The following MCM10 variants were observed in gnomAD, a reference collection of about 807,000 sequenced individuals.
MCM10 encodes the protein protein MCM10 homolog.
Under a neutral mutation model 109.9 loss-of-function variants are expected in MCM10, and 91 were observed. That is an observed-to-expected ratio of 0.83 (90% CI 0.70 to 0.99). The LOEUF (loss-of-function observed/expected upper bound fraction) is 0.99, where lower values mean the gene tolerates loss of function less well. Among genes scored for constraint, MCM10 ranks in the 50% least tolerant of loss-of-function variants. The probability of loss-of-function intolerance (pLI) is 0.00; values close to 1 mark genes in which losing one functional copy is unlikely to be tolerated. For synonymous variants in MCM10, 380 were observed against 387.2 expected, an observed-to-expected ratio of 0.98 and a Z score of 0.22; for missense variants, 1,077 against 1,061.2, an observed-to-expected ratio of 1.01 and a Z score of -0.21.
At chr10:13,199,041 G>A (rs1834461617) in intron 16 of MCM10, among the ~76,000 whole-genome samples, 1 of 152,110 alleles carries the variant, frequency 6.6e-6, no homozygotes, top group East Asian at 1.9e-4. Flanking sequence ...GATTACAGGT[G>A]CCTGCCACCA....
In MCM10 at chr10:13,183,050, G is replaced by T. The variant is rs199940802; in HGVS notation, c.1048G>T (p.Val350Leu). ...CTGGAAGACGGAGCAGGGGACTGTC[G>T]TAGGGATCCTCAATGCCAACCCCAT... is the stretch of plus-strand genomic sequence containing the variant. ...ALWKTEQGTV[V>L]GILNANPMKP... Residue 350 changes from valine (V) to leucine (L), a missense_variant, in exon 8 of 20, where the codon GTA becomes TTA. Val to Leu is a conservative substitution (Grantham distance 32). Transcript: ENST00000378714. The T allele has an allele frequency of 6.2e-6, 10 of 1,614,056 alleles. No individual in the cohort carries two copies. In the African/African-American group the frequency reaches 8.0e-5, roughly 13 times the overall value.
intron 8 of MCM10, among the ~76,000 whole-genome samples, chr10:13,184,314 A>G (rs1046711533): frequency 2.0e-5 from 3 of 152,102 alleles, no homozygotes; most frequent in Non-Finnish European, 2.9e-5. Flanking sequence ...ATAAATTTTT[A>G]TGGTGGCATC....
At chr10:13,162,261 G>A (rs973898916) in intron 1 of MCM10, among the ~76,000 whole-genome samples, 6 of 152,166 alleles carry the variant, frequency 3.9e-5, no homozygotes, top group African/African-American at 1.2e-4. Flanking sequence ...TGTGGAAAAT[G>A]TGAGGGAGTA....
At chr10:13,171,985 T>A (rs1371644988) in intron 3 of MCM10, among the ~76,000 whole-genome samples, 3 of 151,988 alleles carry the variant, frequency 2.0e-5, no homozygotes, top group African/African-American at 7.3e-5. Context: ...ATGTTGCCCA[T>A]GCTGGTCTCG....
chr10:13,171,588 C>T (rs1389090150), intron 3 of MCM10, among the ~76,000 whole-genome samples: 1 of 152,102 alleles, frequency 6.6e-6, no homozygotes, highest in Non-Finnish European at 1.5e-5. Flanking sequence ...GCAAAGCTGC[C>T]ACATATCTAT....
chr10:13,173,391 C>T (rs1189174260), intron 5 of MCM10, among the ~76,000 whole-genome samples: 2 of 152,014 alleles, frequency 1.3e-5, no homozygotes, highest in Admixed American at 6.6e-5. Flanking sequence ...GAAGCCAGGT[C>T]GTATCAAATC....
At chr10:13,198,623 T>C (rs879817897) in intron 15 of MCM10, 66 bp from the exon 16 acceptor site, 12 of 1,018,342 alleles carry the variant, frequency 1.2e-5, no homozygotes, top group South Asian at 2.6e-5. Flanking sequence ...GGGAGTAGAG[T>C]TGATGAGGCG....
intron 18 of MCM10, among the ~76,000 whole-genome samples, chr10:13,207,976 T>G (rs1390878152): frequency 7.1e-6 from 1 of 141,238 alleles, no homozygotes. Context: ...AGCTTTATTA[T>G]ATGTCTTCTC....
Position 13,191,778 on chromosome 10 carries a change from G to T in MCM10, c.1516+379G>T, listed in dbSNP as rs182821269. Among the ~76,000 whole-genome samples, 648 of 152,226 alleles carry T rather than the reference G, an allele frequency of 4.3e-3. 5 individuals carry two copies. Among genetic ancestry groups the T allele is most frequent in the African/African-American group, 0.015 (621 of 41,546 alleles). ...CTTAGTATGCTTTTTAAAATTTCTTGGTGTATCTGGGTCCAACTCTTTACA... is the reference window on the plus strand; with the variant it reads ...CTTAGTATGCTTTTTAAAATTTCTTTGTGTATCTGGGTCCAACTCTTTACA... On this transcript the variant is annotated intron_variant, in intron 11 of 19. Coordinates refer to ENST00000378714, the MANE Select transcript of MCM10 (RefSeq NM_018518.5).
rs1311978268 is a variant in MCM10 at position 13,197,704 on chromosome 10, G to T, written c.2056G>T (p.Asp686Tyr). Residue 686 changes from aspartate to tyrosine, a missense_variant, in exon 15 of 20, where the codon GAC (aspartate) becomes TAC (tyrosine). Physicochemically the swap from Asp to Tyr is radical, Grantham distance 160 (BLOSUM62 -3). Transcript: ENST00000378714. ...AAACAGCATTAAGAAGAAACAAAAG[G>T]ACCCTCAGGACATCCTGGAGGTGAA... ...NPNSIKKKQK[D>Y]PQDILEVKER... 6.2e-7 allele frequency: 1 copy of T among 1,613,776 alleles called. No homozygotes were observed. Among genetic ancestry groups the T allele is most frequent in the African/African-American group, 1.3e-5 (1 of 74,880 alleles).
intron 5 of MCM10, among the ~76,000 whole-genome samples, chr10:13,175,290 G>A (rs1050502744): frequency 6.6e-6 from 1 of 151,960 alleles, no homozygotes; most frequent in Non-Finnish European, 1.5e-5. Flanking sequence ...AAAATTAGCC[G>A]AGCATGGTGG....
intron 8 of MCM10, among the ~76,000 whole-genome samples, chr10:13,185,750 C>T (rs1834266669): frequency 6.6e-6 from 1 of 152,148 alleles, no homozygotes; most frequent in Admixed American, 6.6e-5. Context: ...GCTTCAAATT[C>T]CTTTAGACCA....
At chr10:13,177,946 T>G (rs1201563898) in intron 6 of MCM10, among the ~76,000 whole-genome samples, 1 of 152,124 alleles carries the variant, frequency 6.6e-6, no homozygotes, top group Non-Finnish European at 1.5e-5. Flanking sequence ...GCAGCAAGAT[T>G]GTTTGGGAGA....
At position 13,171,044 on chromosome 10, in the gene MCM10, G is replaced by T. The variant is rs1364975184; in HGVS notation, c.130G>T (p.Glu44Ter). ...AAATGGCGAGCCCGACGCATTTGAT[G>T]AGCTCTTTGATGCCGACGGCGACGG... ...RENGEPDAFDELFDADGDGES... is the reference protein window; with the variant it reads ...RENGEPDAFD The change falls in exon 3 of 20, where the codon GAG (glutamate) becomes TAG (stop). Residue 44 changes from glutamate (E) to a stop codon, truncating the protein, a stop_gained. Transcript: ENST00000378714. LOFTEE classifies it high-confidence loss of function. The T allele has an allele frequency of 1.9e-6, 3 of 1,614,216 alleles. No homozygotes were observed. The highest frequency in any genetic ancestry group is 2.5e-6 in the Non-Finnish European group (3 of 1,180,044).
At chr10:13,165,684 G>A (rs1402328595) in intron 2 of MCM10, among the ~76,000 whole-genome samples, 3 of 151,996 alleles carry the variant, frequency 2.0e-5, no homozygotes, top group African/African-American at 4.8e-5. Flanking sequence ...AGGCCAGCCC[G>A]GCTAACATAG....
rs6602637 is a variant in MCM10, at chr10:13,172,812, A to G, written c.592+47A>G. On this transcript the variant is annotated intron_variant, in intron 5 of 19. Coordinates refer to ENST00000378714, the MANE Select transcript of MCM10 (RefSeq NM_018518.5). The surrounding 1 kb of genome is among the most constrained non-coding windows in gnomAD (Gnocchi z 5.2). ...TATCTTGGCACTATTGTATGTGTTT[A>G]TGTGTGTGGGGGTGTTCATGTGTGT... is the stretch of plus-strand genomic sequence containing the variant. 0.79 allele frequency: 1,272,500 copies of G among 1,603,240 alleles called. 508,712 individuals are homozygous for G. Among genetic ancestry groups the G allele is most frequent in the Non-Finnish European group, 0.82 (962,028 of 1,172,892 alleles).
intron 13 of MCM10, 92 bp from the exon 14 acceptor site, chr10:13,194,949 G>A: frequency 8.8e-7 from 1 of 1,137,546 alleles, no homozygotes. Flanking sequence ...CCCAACTGGT[G>A]GCCTGCCTGC....
In MCM10 at chr10:13,195,057, A is replaced by G. The variant is rs1295802613; in HGVS notation, c.1762A>G (p.Ser588Gly). Residue 588 changes from serine to glycine, a missense_variant, in exon 14 of 20, where the codon AGT becomes GGT. Coordinates refer to ENST00000378714, the MANE Select transcript of MCM10 (RefSeq NM_018518.5). ...TCTTTAAAGATTTCTGCAGAGCTCA[A>G]GTGAAGTTGAGAGCCCAGCTGTGCC... ...EIQKRFLQSS[S>G]EVESPAVPSS... 2 of 1,613,770 alleles carry G rather than the reference A, an allele frequency of 1.2e-6. No individual in the cohort carries two copies. The highest frequency in any genetic ancestry group is 2.2e-5 in the East Asian group (1 of 44,878).
Position 13,175,497 on chromosome 10 carries a change from G to A in MCM10, c.593-13G>A. 1 of 1,612,118 alleles carries A rather than the reference G, an allele frequency of 6.2e-7. No individual in the cohort carries two copies. Among genetic ancestry groups the A allele is most frequent in the African/African-American group, 1.3e-5 (1 of 74,984 alleles). ...GTGTGGTTGCCTTTTCATTAATTGT[G>A]TTAATTTTCTAGATCCCAAAAGCTC... On this transcript the variant is annotated splice_polypyrimidine_tract_variant and intron_variant, in intron 5 of 19. Transcript: ENST00000378714.
Sources: gnomAD v4.1 joint callset for allele counts (sites outside exome capture counted in the v4.1 genomes callset) on GRCh38, gnomAD v4.1.1 for gene constraint, Gnocchi (gnomAD v3.1) non-coding constraint, MANE v1.5 for transcripts, NCBI Gene and HGNC (gene_info 2026-07-23, HGNC 2026-07-21) for gene names.